CCDC85C: variants seen among roughly 807,000 people sequenced by gnomAD.
CCDC85C encodes the protein coiled-coil domain containing 85C.
In CCDC85C, 18 loss-of-function variants were observed where a neutral mutation model predicts 38.3. The ratio of observed to expected loss-of-function variants is 0.47; its 90% CI spans 0.33 to 0.70. The LOEUF is 0.70. Among genes scored for constraint, CCDC85C ranks in the 30% least tolerant of loss-of-function variants. CCDC85C has a pLI of 0.03. For synonymous variants in CCDC85C, 264 were observed against 293.8 expected (o/e 0.90, Z 1.04); for missense variants, 566 against 621.2 (o/e 0.91, Z 0.94).
intron 2 of CCDC85C, among the ~76,000 whole-genome samples, chr14:99,534,038 C>G (rs1210694623): frequency 6.6e-6 from 1 of 152,200 alleles, no homozygotes; most frequent in East Asian, 1.9e-4. Context: ...TCTGGTTGGA[C>G]CGCAGAACAC....
At chr14:99,571,060 C>A (rs571530206) in intron 1 of CCDC85C, among the ~76,000 whole-genome samples, 12 of 152,242 alleles carry the variant, frequency 7.9e-5, no homozygotes, top group African/African-American at 2.9e-4. Flanking sequence ...TGCCTGTGCC[C>A]AAGTGACCCC....
chr14:99,575,447 G>T (rs920330495), intron 1 of CCDC85C, among the ~76,000 whole-genome samples: 2 of 152,180 alleles, frequency 1.3e-5, no homozygotes, highest in African/African-American at 4.8e-5. Flanking sequence ...CACCTCGAAG[G>T]GTTGCCAGAA....
chr14:99,534,687 C>T (rs1436245538), intron 2 of CCDC85C: 2 of 702,394 alleles, frequency 2.8e-6, no homozygotes, highest in Admixed American at 2.0e-5. Context: ...TCCTTAGCAA[C>T]CACAATGGCC....
At chr14:99,518,124 G>A (rs544838980) in intron 3 of CCDC85C, among the ~76,000 whole-genome samples, 1 of 152,162 alleles carries the variant, frequency 6.6e-6, no homozygotes, top group Non-Finnish European at 1.5e-5. Context: ...AGCTCAGGGA[G>A]CTGGGCTGGA....
chr14:99,550,863 G>A (rs1897893981), intron 1 of CCDC85C, among the ~76,000 whole-genome samples: 1 of 152,166 alleles, frequency 6.6e-6, no homozygotes, highest in Non-Finnish European at 1.5e-5. Flanking sequence ...TAACAGGCCT[G>A]GGGTGCCCAG....
Position 99,502,161 on chromosome 14 carries a change from A to C in CCDC85C, c.*13085T>G, listed in dbSNP as rs952179829. On this transcript the variant is annotated 3_prime_UTR_variant, in exon 6 of 6. Transcript: ENST00000380243. ...ATCTCCATGCACTGGTTTAATCATA[A>C]ATATTAGATCATATTATCTAACCTT... 11 of 1,521,914 alleles carry C rather than the reference A, an allele frequency of 7.2e-6. No individual in the cohort carries two copies. The highest frequency in any genetic ancestry group is 2.2e-5 in the Admixed American group (1 of 46,196). The allele number at this position is 1,521,914 out of a possible 1,614,324, so 94.3% of individuals were successfully genotyped here.
chr14:99,557,731 A>G (rs1206123938), intron 1 of CCDC85C, among the ~76,000 whole-genome samples: 3 of 152,182 alleles, frequency 2.0e-5, no homozygotes, highest in Admixed American at 1.3e-4. Context: ...CCTGGCCAAC[A>G]TGGTGAAACC....
intron 1 of CCDC85C, among the ~76,000 whole-genome samples, chr14:99,585,042 C>T (rs2139980319): frequency 6.6e-6 from 1 of 152,314 alleles, no homozygotes; most frequent in Middle Eastern, 3.4e-3. Context: ...CTGCAGTGAG[C>T]TAAGATTGGG....
At chr14:99,530,972 C>T (rs1199300178) in intron 2 of CCDC85C, among the ~76,000 whole-genome samples, 1 of 152,204 alleles carries the variant, frequency 6.6e-6, no homozygotes, top group African/African-American at 2.4e-5. Context: ...GGTTTAAGTC[C>T]CCCAGTCTGT....
chr14:99,587,992 TGGTCTCCCCTCA>T (rs1467550687), intron 1 of CCDC85C, among the ~76,000 whole-genome samples: 1 of 152,170 alleles, frequency 6.6e-6, no homozygotes, highest in Non-Finnish European at 1.5e-5. Flanking sequence ...CAGTGCCCTC[TGGTCTCCCCTCA>T]GCCCTTCCAG....
At chr14:99,597,564 C>T (rs2055156069) in intron 1 of CCDC85C, among the ~76,000 whole-genome samples, 1 of 152,168 alleles carries the variant, frequency 6.6e-6, no homozygotes, top group South Asian at 2.1e-4. Context: ...GCCACCTGGG[C>T]CACTCTTGCT....
At chr14:99,555,997 T>C (rs1898003173) in intron 1 of CCDC85C, among the ~76,000 whole-genome samples, 1 of 152,226 alleles carries the variant, frequency 6.6e-6, no homozygotes, top group Non-Finnish European at 1.5e-5. Flanking sequence ...CGGCTGATCT[T>C]CTACCAAAGA....
chr14:99,577,109 A>C (rs141666400), intron 1 of CCDC85C, among the ~76,000 whole-genome samples: 2 of 151,936 alleles, frequency 1.3e-5, no homozygotes, highest in African/African-American at 4.8e-5. Context: ...AAACCCCAGA[A>C]AACAACATCC....
chr14:99,506,122 T>C lies in CCDC85C; in HGVS notation c.*9124A>G, dbSNP rs3918104. The C allele has an allele frequency of 6.6e-6, 1 of 152,310 alleles. No individual in the cohort carries two copies. Among genetic ancestry groups the C allele is most frequent in the African/African-American group, 2.4e-5 (1 of 41,402 alleles). 9.4% of individuals were successfully genotyped at this position (152,310 alleles called of 1,614,324 possible). ...CGCTAGAAATGTAGGTTTGTAGTTG[T>C]CCACTTAGAGAGGGGCTTTGGACTC... On this transcript the variant is annotated 3_prime_UTR_variant, in exon 6 of 6. Coordinates refer to ENST00000380243, the MANE Select transcript of CCDC85C (RefSeq NM_001144995.2).
intron 1 of CCDC85C, among the ~76,000 whole-genome samples, chr14:99,571,730 G>A (rs1256441519): frequency 6.6e-6 from 1 of 152,218 alleles, no homozygotes; most frequent in Non-Finnish European, 1.5e-5. Flanking sequence ...ACATGCACAG[G>A]GTAATTTGTG....
At chr14:99,555,061 G>A (rs1427484764) in intron 1 of CCDC85C, among the ~76,000 whole-genome samples, 2 of 152,262 alleles carry the variant, frequency 1.3e-5, no homozygotes, top group Non-Finnish European at 2.9e-5. Flanking sequence ...CCAGGATGAG[G>A]TCAATGTTTG....
intron 1 of CCDC85C, among the ~76,000 whole-genome samples, chr14:99,562,178 C>T (rs1351828570): frequency 1.3e-5 from 2 of 152,112 alleles, no homozygotes; most frequent in African/African-American, 4.8e-5. Context: ...CAGAAGAGAG[C>T]GACGCCCTCC....
In CCDC85C at chr14:99,604,101, T is replaced by G; in HGVS notation, c.-142A>C. The G allele has an allele frequency of 1.5e-6, 1 of 651,678 alleles. No homozygotes were observed. Among genetic ancestry groups the G allele is most frequent in the Non-Finnish European group, 1.9e-6 (1 of 532,718 alleles). The allele number at this position is 651,678 out of a possible 1,614,324, so 40.4% of individuals were successfully genotyped here. The stretch of plus-strand genomic sequence containing the variant: ...CCGCCCCGCGCCGCCTGGCGCGTCC[T>G]CTCGCCGCGCCCGCCGGGGCCGCCC... On this transcript the variant is annotated 5_prime_UTR_variant, in exon 1 of 6. Coordinates refer to ENST00000380243, the MANE Select transcript of CCDC85C (RefSeq NM_001144995.2).
rs1897079007 is a variant in CCDC85C, at chr14:99,509,960, G to A, written c.*5286C>T. The A allele has an allele frequency of 1.6e-6, 1 of 615,102 alleles. No individual in the cohort carries two copies. Among genetic ancestry groups the A allele is most frequent in the East Asian group, 2.8e-5 (1 of 35,982 alleles). The allele number at this position is 615,102 out of a possible 1,614,324, so 38.1% of individuals were successfully genotyped here. ...AACCCCAGGTCGTCGCAGACAGGGT[G>A]GAGGGCCTTCTTGACAGATGGTGGG... On this transcript the variant is annotated 3_prime_UTR_variant, in exon 6 of 6. Transcript: ENST00000380243.
Sources: allele counts gnomAD v4.1 joint callset (sites outside exome capture counted in the v4.1 genomes callset), GRCh38; gene constraint gnomAD v4.1.1; transcripts MANE v1.5; gene names NCBI Gene and HGNC (gene_info 2026-07-23, HGNC 2026-07-21).